SCUBE2: variants seen among roughly 807,000 people sequenced by gnomAD.
The protein encoded by SCUBE2 is signal peptide, CUB and EGF-like domain-containing protein 2.
In SCUBE2, 114 loss-of-function variants were observed where a neutral mutation model predicts 125.9. That is an observed-to-expected ratio of 0.91 (90% CI 0.78 to 1.06). SCUBE2 has a LOEUF of 1.06. SCUBE2 is among the 50% of genes least tolerant of loss of function. The pLI is 0.00. For missense variants in SCUBE2, 1,255 were observed against 1,301.8 expected, an observed-to-expected ratio of 0.96 and a Z score of 0.55; for synonymous variants, 459 against 492.9, an observed-to-expected ratio of 0.93 and a Z score of 0.91.
chr11:9,024,574 C>A (rs1855565603), intron 21 of SCUBE2, among the ~76,000 whole-genome samples: 1 of 152,314 alleles, frequency 6.6e-6, no homozygotes, highest in East Asian at 1.9e-4. Context: ...AGGCTCTTCA[C>A]AGCTGAACCC....
intron 7 of SCUBE2, among the ~76,000 whole-genome samples, chr11:9,062,979 G>C (rs1056279751): frequency 6.6e-6 from 1 of 152,222 alleles, no homozygotes. Context: ...GGTGGCTCAT[G>C]CCTGTAATCC....
chr11:9,058,495 T>C (rs532661020), intron 9 of SCUBE2, among the ~76,000 whole-genome samples: 7 of 142,056 alleles, frequency 4.9e-5, no homozygotes, highest in Non-Finnish European at 7.5e-5. Context: ...ACTCAGGAGG[T>C]TGAGGCAGGA....
Position 9,029,061 on chromosome 11 carries a change from G to T in SCUBE2, c.2503+823C>A, listed in dbSNP as rs186869565. 3.7e-3 allele frequency among the ~76,000 whole-genome samples: 566 copies of T among 152,194 alleles called. 4 individuals carry two copies. The highest frequency in any genetic ancestry group is 0.013 in the African/African-American group (538 of 41,500). ...TCAGTCCCAAGCTCCTCCAGTTTAG[G>T]GGGGGCCTCCTTGCTCCTCTGACTG... is the stretch of plus-strand genomic sequence containing the variant. On this transcript the variant is annotated intron_variant, in intron 19 of 22. Transcript: ENST00000649792.
intron 10 of SCUBE2, among the ~76,000 whole-genome samples, chr11:9,055,128 G>A (rs187707415): frequency 6.6e-6 from 1 of 152,260 alleles, no homozygotes; most frequent in Admixed American, 6.5e-5. Flanking sequence ...AGATGACCTT[G>A]GAAGTCCTAG....
At chr11:9,046,030 G>A (rs1206204366) in intron 16 of SCUBE2, among the ~76,000 whole-genome samples, 4 of 138,756 alleles carry the variant, frequency 2.9e-5, no homozygotes, top group Admixed American at 1.5e-4. Context: ...TTTTTGAGAC[G>A]GAGTCTTGCT....
chr11:9,061,160 C>T (rs1859643165), intron 7 of SCUBE2, among the ~76,000 whole-genome samples: 1 of 152,082 alleles, frequency 6.6e-6, no homozygotes, highest in Non-Finnish European at 1.5e-5. Flanking sequence ...TACAGTTAGT[C>T]CAAGTAATAG....
intron 5 of SCUBE2, among the ~76,000 whole-genome samples, chr11:9,068,414 C>T (rs1860464886): frequency 6.6e-6 from 1 of 152,148 alleles, no homozygotes; most frequent in African/African-American, 2.4e-5. Context: ...CACAAGTGTA[C>T]TGAGCATATC....
rs763321589 is a variant in SCUBE2 at position 9,089,735 on chromosome 11, G to A, written c.228C>T (p.Gly76=). 5 of 1,613,718 alleles carry A rather than the reference G, an allele frequency of 3.1e-6. No individual in the cohort carries two copies. Among genetic ancestry groups the A allele is most frequent in the Admixed American group, 1.7e-5 (1 of 59,980 alleles). The change falls in exon 2 of 23, where the codon GGC becomes GGT. Residue 76 remains glycine (G), a synonymous_variant. Coordinates refer to ENST00000649792, the MANE Select transcript of SCUBE2 (RefSeq NM_001367977.2). ...CACACTGCCTGCCTTCCCCTTGGTA[G>A]CCAGGCTTGCAGGAGCACTTGTAGG... The part of the protein sequence containing the change: ...PTSYKCSCKP[G]YQGEGRQCED...
chr11:9,078,015 T>C (rs1861340856), intron 3 of SCUBE2, among the ~76,000 whole-genome samples: 1 of 152,102 alleles, frequency 6.6e-6, no homozygotes, highest in Non-Finnish European at 1.5e-5. Flanking sequence ...ACAGTAATGA[T>C]GAAGTCTGCC....
intron 7 of SCUBE2, among the ~76,000 whole-genome samples, chr11:9,065,677 T>C (rs1216477737): frequency 3.9e-5 from 6 of 152,164 alleles, no homozygotes; most frequent in Non-Finnish European, 8.8e-5. Flanking sequence ...TTAACCTGAT[T>C]ATTCTGATGG....
At chr11:9,040,440 G>A (rs1857113924) in intron 16 of SCUBE2, among the ~76,000 whole-genome samples, 1 of 152,066 alleles carries the variant, frequency 6.6e-6, no homozygotes, top group Admixed American at 6.5e-5. Context: ...ATACACCGTG[G>A]GTACACAGGA....
chr11:9,053,908 G>C (rs1161238389), intron 10 of SCUBE2, 149 bp from the exon 11 acceptor site: 1 of 894,016 alleles, frequency 1.1e-6, no homozygotes, highest in Non-Finnish European at 1.6e-6. Flanking sequence ...ATGAGCGCTC[G>C]GCACCAGCTG....
Position 9,047,574 on chromosome 11 carries a change from A to G in SCUBE2, c.1796-12T>C, listed in dbSNP as rs1857922132. The G allele has an allele frequency of 2.5e-6, 4 of 1,613,494 alleles. No homozygotes were observed. The East Asian group carries it at 6.7e-5, about 27-fold the overall frequency. On this transcript the variant is annotated splice_polypyrimidine_tract_variant and intron_variant, in intron 15 of 22. Transcript: ENST00000649792. The stretch of plus-strand genomic sequence containing the variant: ...CAGGTCACAAGAAGCTACAGAAACA[A>G]GAGGGACAGCAGTGCGGGAGGAGAT...
At chr11:9,081,299 G>A (rs1420658958) in intron 2 of SCUBE2, among the ~76,000 whole-genome samples, 1 of 151,968 alleles carries the variant, frequency 6.6e-6, no homozygotes, top group African/African-American at 2.4e-5. Flanking sequence ...TTTTTATCTT[G>A]TAAAACTGAA....
chr11:9,074,091 C>T (rs1861022957), intron 4 of SCUBE2, among the ~76,000 whole-genome samples: 1 of 152,170 alleles, frequency 6.6e-6, no homozygotes, highest in African/African-American at 2.4e-5. Context: ...CCAGCCTCCT[C>T]CCTACCCACC....
intron 5 of SCUBE2, among the ~76,000 whole-genome samples, chr11:9,068,325 G>A (rs552491973): frequency 6.6e-6 from 1 of 152,348 alleles, no homozygotes; most frequent in East Asian, 1.9e-4. Context: ...CCTGTTCCCA[G>A]GTGGAGTTTT....
At chr11:9,049,220 A>G (rs1858101896) in intron 14 of SCUBE2, among the ~76,000 whole-genome samples, 1 of 152,204 alleles carries the variant, frequency 6.6e-6, no homozygotes, top group African/African-American at 2.4e-5. Context: ...AGTAAACTAT[A>G]GGCCAAGTCT....
chr11:9,078,546 A>G (rs1412027268), intron 3 of SCUBE2, among the ~76,000 whole-genome samples: 1 of 152,112 alleles, frequency 6.6e-6, no homozygotes, highest in East Asian at 1.9e-4. Context: ...TTCCTACCAC[A>G]CCATAAGGGG....
At position 9,050,619 on chromosome 11, in the gene SCUBE2, T is replaced by C; in HGVS notation, c.1626A>G (p.Arg542=). 6.2e-7 allele frequency: 1 copy of C among 1,613,808 alleles called. No individual in the cohort carries two copies. Among genetic ancestry groups the C allele is most frequent in the Non-Finnish European group, 8.5e-7 (1 of 1,179,674 alleles). Reference sequence around the variant, plus strand: ...CTGATTCCATACCTGGTAGTGCTGGTCGCAGACCCTCGGGAAACAGCTCAG... The same window carrying C: ...CTGATTCCATACCTGGTAGTGCTGGCCGCAGACCCTCGGGAAACAGCTCAG... ...KNAELFPEGL[R]PALPEKHSSV... is the part of the protein sequence containing the mutation. Residue 542 remains arginine (R), a synonymous_variant, in exon 14 of 23, where the codon CGA becomes CGG. Transcript: ENST00000649792.
Sources: allele counts gnomAD v4.1 joint callset (sites outside exome capture counted in the v4.1 genomes callset), GRCh38; gene constraint gnomAD v4.1.1; transcripts MANE v1.5; gene names NCBI Gene and HGNC (gene_info 2026-07-23, HGNC 2026-07-21).